HPD: variants seen among roughly 807,000 people sequenced by gnomAD.
HPD encodes 4-hydroxyphenylpyruvic acid oxidase.
HPD carries 35 observed loss-of-function variants against 56.9 expected under a neutral mutation model. The observed-to-expected ratio is 0.62, with a 90% CI of 0.47 to 0.82. The LOEUF is 0.82. Ranked by LOEUF, HPD falls within the 40% of genes least tolerant of loss-of-function variation. The pLI, the probability that HPD is intolerant of heterozygous loss-of-function variation, is 0.00. For missense variants in HPD, 442 were observed against 506.8 expected (o/e 0.87, Z 1.23); for synonymous variants, 186 against 200.2 (o/e 0.93, Z 0.60).
intron 7 of HPD, among the ~76,000 whole-genome samples, chr12:121,850,185 G>T (rs1028440240): frequency 6.6e-6 from 1 of 152,034 alleles, no homozygotes; most frequent in African/African-American, 2.4e-5. Context: ...ACTTTGGGAG[G>T]CCAAGGCGGG....
chr12:121,870,865 G>A, the HPD span, among the ~76,000 whole-genome samples: 2 of 151,840 alleles, frequency 1.3e-5, no homozygotes, highest in South Asian at 4.2e-4. Flanking sequence ...CAAAGTGCTG[G>A]GATTACAGTC....
chr12:121,858,662 C>T, intron 2 of HPD, 25 bp downstream of exon 2: 1 of 1,612,822 alleles, frequency 6.2e-7, no homozygotes, highest in Non-Finnish European at 8.5e-7. Flanking sequence ...CAGGCCCCTA[C>T]ATTTCCCACA....
chr12:121,885,477 G>C, the HPD span, among the ~76,000 whole-genome samples: 1 of 152,058 alleles, frequency 6.6e-6, no homozygotes, highest in Non-Finnish European at 1.5e-5. Flanking sequence ...TGGGATTACA[G>C]GTGTGAGCCA....
intron 8 of HPD, 138 bp from the exon 9 acceptor site, chr12:121,849,214 AAAAG>A: frequency 1.7e-6 from 1 of 578,382 alleles, no homozygotes; most frequent in South Asian, 1.8e-5. Flanking sequence ...AGTCTCTACA[AAAAG>A]AGAGACTCTT....
chr12:121,854,811 C>A lies in HPD; in HGVS notation c.325-19G>T, dbSNP rs200528285. The A allele has an allele frequency of 6.3e-7, 1 of 1,598,318 alleles. No homozygotes were observed. The highest frequency in any genetic ancestry group is 1.7e-5 in the Admixed American group (1 of 59,980). On this transcript the variant is annotated intron_variant, in intron 6 of 13. Coordinates refer to ENST00000289004, the MANE Select transcript of HPD (RefSeq NM_002150.3). Reference sequence around the variant, plus strand: ...GTGCTTTCTGCAGAGAAGATGGGATCGGGGAATTGGTGAGGGCTGGAGCCT... The same window carrying A: ...GTGCTTTCTGCAGAGAAGATGGGATAGGGGAATTGGTGAGGGCTGGAGCCT...
the HPD span, among the ~76,000 whole-genome samples, chr12:121,873,014 A>C: frequency 4.8e-3 from 730 of 152,140 alleles, 6 homozygotes; most frequent in African/African-American, 0.017. Context: ...AGAAACAATA[A>C]CACCACCACC....
Position 121,857,816 on chromosome 12 carries a change from C to T in HPD, c.34G>A (p.Glu12Lys), listed in dbSNP as rs1432536741. The T allele has an allele frequency of 1.9e-6, 3 of 1,613,832 alleles. No homozygotes were observed. Among genetic ancestry groups the T allele is most frequent in the South Asian group, 2.2e-5 (2 of 91,050 alleles). ...TTYSDKGAKP[E>K]RGRFLHFHSV... is the part of the protein sequence containing the mutation. ...TGGAAGTGGAGGAATCGGCCTCTCT[C>T]AGGCTGCAGAAGGAGAGAAGAGGTG... Residue 12 changes from glutamate to lysine, a missense_variant, in exon 3 of 14, where the codon GAG becomes AAG. Coordinates refer to ENST00000289004, the MANE Select transcript of HPD (RefSeq NM_002150.3).
chr12:121,873,872 G>C, the HPD span, among the ~76,000 whole-genome samples: 1 of 151,838 alleles, frequency 6.6e-6, no homozygotes, highest in Admixed American at 6.6e-5. Context: ...TAATCCCAGC[G>C]CTTTGGGAGG....
intron 2 of HPD, 149 bp from the exon 3 acceptor site, chr12:121,857,968 T>G: frequency 1.4e-6 from 1 of 711,836 alleles, no homozygotes; most frequent in Non-Finnish European, 2.6e-6. Context: ...TTGCCAAGCC[T>G]CAAAAGAGGT....
intron 4 of HPD, 97 bp from the exon 5 acceptor site, chr12:121,856,722 T>C (rs1424907122): frequency 3.5e-6 from 4 of 1,128,554 alleles, no homozygotes; most frequent in Non-Finnish European, 4.0e-6. Flanking sequence ...ACACCCCTGA[T>C]GGAGCACAAG....
chr12:121,839,841 G>C lies in HPD; in HGVS notation c.1072-3C>G. 6.2e-7 allele frequency: 1 copy of C among 1,613,920 alleles called. No individual in the cohort carries two copies. On this transcript the variant is annotated splice_region_variant and splice_polypyrimidine_tract_variant and intron_variant, in intron 13 of 13. Coordinates refer to ENST00000289004, the MANE Select transcript of HPD (RefSeq NM_002150.3). ...TTGAAGTTGCCGGCTCCAAAACCCTGTGGCGGGAAAGAGAGGAGATGAGCC... is the reference window on the plus strand; with the variant it reads ...TTGAAGTTGCCGGCTCCAAAACCCTCTGGCGGGAAAGAGAGGAGATGAGCC...
chr12:121,856,938 T>A, intron 4 of HPD: 1 of 514,024 alleles, frequency 1.9e-6, no homozygotes, highest in Non-Finnish European at 3.5e-6. Flanking sequence ...TCTGAGCACC[T>A]GTGGGGTCAG....
the HPD span, among the ~76,000 whole-genome samples, chr12:121,886,455 C>T: frequency 1.4e-5 from 2 of 146,174 alleles, no homozygotes; most frequent in South Asian, 4.3e-4. Context: ...TGCTCTGCCG[C>T]TCAGGCAGTG....
chr12:121,846,942 G>T lies in HPD; in HGVS notation c.760-9C>A. 3.7e-6 allele frequency: 6 copies of T among 1,613,992 alleles called. No homozygotes were observed. The highest frequency in any genetic ancestry group is 5.1e-6 in the Non-Finnish European group (6 of 1,179,906). On this transcript the variant is annotated splice_polypyrimidine_tract_variant and intron_variant, in intron 10 of 13. Coordinates refer to ENST00000289004, the MANE Select transcript of HPD (RefSeq NM_002150.3). ...TTATAGTCCACATATTCCTGGGGGA[G>T]GGAAACAAGGAGACCACTGTCATTT...
At chr12:121,856,748 G>A (rs1290981261) in intron 4 of HPD, 123 bp from the exon 5 acceptor site, 2 of 880,052 alleles carry the variant, frequency 2.3e-6, no homozygotes, top group Non-Finnish European at 3.7e-6. Context: ...CTGGACCTGG[G>A]TTCTAGCTCC....
chr12:121,888,010 T>C, the HPD span, among the ~76,000 whole-genome samples: 45 of 152,294 alleles, frequency 3.0e-4, no homozygotes, highest in African/African-American at 1.0e-3. Context: ...GTTGGGTAAA[T>C]TGGTTATTGA....
upstream of HPD, chr12:121,859,197 G>T: frequency 2.8e-6 from 1 of 350,968 alleles, no homozygotes; most frequent in Non-Finnish European, 5.5e-6. Context: ...CTTGCCTAGA[G>T]GAAATTTGAG....
At chr12:121,860,596 CTGGATAACAGAT>C (rs2137637881), upstream of HPD, among the ~76,000 whole-genome samples, 1 of 152,302 alleles carries the variant, frequency 6.6e-6, no homozygotes, top group East Asian at 1.9e-4. Flanking sequence ...CTGGGCTCCA[CTGGATAACAGAT>C]CAGCAGTGGC....
the HPD span, among the ~76,000 whole-genome samples, chr12:121,869,768 A>C: frequency 6.6e-6 from 1 of 151,884 alleles, no homozygotes; most frequent in African/African-American, 2.4e-5. Context: ...CAAGTGATCC[A>C]CCCACCTTGG....
Sources: allele counts gnomAD v4.1 joint callset (sites outside exome capture counted in the v4.1 genomes callset), GRCh38; gene constraint gnomAD v4.1.1; transcripts MANE v1.5; gene names NCBI Gene and HGNC (gene_info 2026-07-23, HGNC 2026-07-21).